Variants in DOK6 observed in about 807,000 individuals in gnomAD.
DOK6 encodes downstream of tyrosine kinase 6.
DOK6 carries 22 observed loss-of-function variants against 44.0 expected under a neutral mutation model. That is an observed-to-expected ratio of 0.50 (90% CI 0.36 to 0.71). DOK6 has a LOEUF of 0.71. Among genes scored for constraint, DOK6 ranks in the 30% least tolerant of loss-of-function variants. The pLI is 0.00. For synonymous variants in DOK6, 166 were observed against 145.5 expected (o/e 1.14, Z -1.01); for missense variants, 340 against 416.4 (o/e 0.82, Z 1.60).
intron 1 of DOK6, among the ~76,000 whole-genome samples, chr18:69,424,742 A>C (rs1978590700): frequency 6.6e-6 from 1 of 152,128 alleles, no homozygotes. Flanking sequence ...ATCTTTAATC[A>C]ATGTCTAATT....
In DOK6 at chr18:69,459,109, C is replaced by G. The variant is rs1254656470; in HGVS notation, c.66+57799C>G. Among the ~76,000 whole-genome samples, 5 of 103,392 alleles carry G rather than the reference C, an allele frequency of 4.8e-5. No homozygotes were observed. The South Asian group carries it at 1.7e-3, about 36-fold the overall frequency. 67.8% of individuals were successfully genotyped at this position (103,392 alleles called of 152,430 possible). On this transcript the variant is annotated intron_variant, in intron 1 of 7. Coordinates refer to ENST00000382713, the MANE Select transcript of DOK6 (RefSeq NM_152721.6). ...AGACTCCCCCCAACAACCCCCCCCC[C>G]AAAAAAAAGGAAGGAAGGAAGCAGA...
chr18:69,816,814 A>G (rs1436209260), intron 7 of DOK6, among the ~76,000 whole-genome samples: 1 of 152,236 alleles, frequency 6.6e-6, no homozygotes, highest in Non-Finnish European at 1.5e-5. Context: ...GAATGAAAGC[A>G]AATAGGACAT....
intron 7 of DOK6, among the ~76,000 whole-genome samples, chr18:69,821,365 T>G (rs1049704747): frequency 6.6e-6 from 1 of 152,158 alleles, no homozygotes; most frequent in South Asian, 2.1e-4. Context: ...TCAGTTCAAC[T>G]GTCTGTTACG....
intron 5 of DOK6, among the ~76,000 whole-genome samples, chr18:69,726,108 G>C (rs182788484): frequency 6.6e-6 from 1 of 152,196 alleles, no homozygotes; most frequent in Non-Finnish European, 1.5e-5. Flanking sequence ...CATGGAGAGA[G>C]GGTTGTCAAG....
chr18:69,631,043 T>C (rs1451666878), intron 3 of DOK6, among the ~76,000 whole-genome samples: 1 of 152,176 alleles, frequency 6.6e-6, no homozygotes, highest in East Asian at 1.9e-4. Context: ...AATTAGGAGA[T>C]ACTTATTTGC....
intron 1 of DOK6, among the ~76,000 whole-genome samples, chr18:69,430,643 A>G (rs1238282021): frequency 6.6e-6 from 1 of 152,128 alleles, no homozygotes; most frequent in Non-Finnish European, 1.5e-5. Context: ...AGTATATGCA[A>G]TGCTTTATAG....
rs891976646 is a variant in DOK6, at chr18:69,848,771, G to T, written c.*7388G>T. ...AATTTACAAATGATATTGCTATGAGGTTGTGCACTATTAAAGTTTGCTCCA... is the reference window on the plus strand; with the variant it reads ...AATTTACAAATGATATTGCTATGAGTTTGTGCACTATTAAAGTTTGCTCCA... On this transcript the variant is annotated 3_prime_UTR_variant, in exon 8 of 8. Coordinates refer to ENST00000382713, the MANE Select transcript of DOK6 (RefSeq NM_152721.6). 73 of 152,086 alleles carry T rather than the reference G, an allele frequency of 4.8e-4. 2 individuals are homozygous for T. Among genetic ancestry groups the T allele is most frequent in the Non-Finnish European group, 1.5e-5 (1 of 67,996 alleles). The allele number at this position is 152,086 out of a possible 1,614,324, so 9.4% of individuals were successfully genotyped here.
chr18:69,552,458 T>C (rs1320583945), intron 1 of DOK6, among the ~76,000 whole-genome samples: 1 of 152,182 alleles, frequency 6.6e-6, no homozygotes, highest in East Asian at 1.9e-4. Context: ...TAAATGTTTT[T>C]CCATAGGAAC....
chr18:69,540,852 CT>C (rs1982249978), intron 1 of DOK6, among the ~76,000 whole-genome samples: 1 of 152,020 alleles, frequency 6.6e-6, no homozygotes, highest in Non-Finnish European at 1.5e-5. Flanking sequence ...TAATATTTCT[CT>C]CTTTCATTTC....
At chr18:69,531,234 T>C (rs1301368325) in intron 1 of DOK6, among the ~76,000 whole-genome samples, 1 of 147,798 alleles carries the variant, frequency 6.8e-6, no homozygotes, top group East Asian at 1.9e-4. Context: ...AGAAGTTTTT[T>C]AAGTATATAT....
intron 1 of DOK6, among the ~76,000 whole-genome samples, chr18:69,416,383 C>G (rs1978342210): frequency 6.6e-6 from 1 of 152,104 alleles, no homozygotes; most frequent in South Asian, 2.1e-4. Context: ...ATTTAACCGA[C>G]TGTATAAATA....
At chr18:69,445,619 G>A (rs1979263087) in intron 1 of DOK6, among the ~76,000 whole-genome samples, 2 of 151,870 alleles carry the variant, frequency 1.3e-5, no homozygotes, top group South Asian at 4.2e-4. Context: ...TTCATATGTT[G>A]AACCACTCTT....
chr18:69,536,584 T>A (rs1253904845), intron 1 of DOK6, among the ~76,000 whole-genome samples: 1 of 152,172 alleles, frequency 6.6e-6, no homozygotes, highest in Non-Finnish European at 1.5e-5. Flanking sequence ...TTTGTGAATA[T>A]CTTTCTATCT....
At chr18:69,616,975 CTT>C in intron 3 of DOK6, among the ~76,000 whole-genome samples, 1 of 152,242 alleles carries the variant, frequency 6.6e-6, no homozygotes, top group African/African-American at 2.4e-5. Flanking sequence ...ATATCTGAGA[CTT>C]TTAAATTTAA....
intron 7 of DOK6, among the ~76,000 whole-genome samples, chr18:69,834,685 A>T (rs1017043961): frequency 1.3e-5 from 2 of 152,206 alleles, no homozygotes; most frequent in Admixed American, 1.3e-4. Context: ...ATATACAAAC[A>T]TACATTTAAA....
chr18:69,439,687 A>G (rs886776318), intron 1 of DOK6, among the ~76,000 whole-genome samples: 17 of 152,134 alleles, frequency 1.1e-4, no homozygotes, highest in Non-Finnish European at 2.2e-4. Flanking sequence ...CACCTCTCTC[A>G]GCCTTCATGG....
intron 1 of DOK6, among the ~76,000 whole-genome samples, chr18:69,517,943 C>A (rs970886591): frequency 7.9e-5 from 12 of 152,068 alleles, no homozygotes; most frequent in Admixed American, 5.9e-4. Context: ...AGCAGCACTA[C>A]AGCTGCCTCC....
At chr18:69,606,409 A>C (rs1212364150) in intron 3 of DOK6, among the ~76,000 whole-genome samples, 1 of 152,112 alleles carries the variant, frequency 6.6e-6, no homozygotes, top group Non-Finnish European at 1.5e-5. Flanking sequence ...ACTTCAACAG[A>C]ATAATGGCCA....
At chr18:69,421,061 C>T (rs1366839709) in intron 1 of DOK6, among the ~76,000 whole-genome samples, 1 of 152,170 alleles carries the variant, frequency 6.6e-6, no homozygotes, top group Non-Finnish European at 1.5e-5. Flanking sequence ...CCCTAAGATG[C>T]ATGCATCACT....
Sources: allele counts gnomAD v4.1 joint callset (sites outside exome capture counted in the v4.1 genomes callset), GRCh38; gene constraint gnomAD v4.1.1; transcripts MANE v1.5; gene names NCBI Gene and HGNC (gene_info 2026-07-23, HGNC 2026-07-21).